The following PTPRT variants were observed in gnomAD, a reference collection of about 807,000 sequenced individuals.
PTPRT encodes protein tyrosine phosphatase receptor type T.
In PTPRT, 56 loss-of-function variants were observed where a neutral mutation model predicts 176.8. The ratio of observed to expected loss-of-function variants is 0.32; its 90% CI spans 0.26 to 0.40. The LOEUF (loss-of-function observed/expected upper bound fraction) is 0.40. Ranked by LOEUF, PTPRT falls within the 10% of genes least tolerant of loss-of-function variation. The pLI, the probability that PTPRT is intolerant of heterozygous loss-of-function variation, is 1.00. For missense variants in PTPRT, 1,540 were observed against 1,908.2 expected, an observed-to-expected ratio of 0.81 and a Z score of 3.60; for synonymous variants, 783 against 739.0, an observed-to-expected ratio of 1.06 and a Z score of -0.96.
At chr20:43,074,126 A>T (rs906304872) in intron 1 of PTPRT, among the ~76,000 whole-genome samples, 1 of 152,148 alleles carries the variant, frequency 6.6e-6, no homozygotes, top group African/African-American at 2.4e-5. Context: ...AGTGGCAATT[A>T]GGAGGAAAAA....
In PTPRT at chr20:42,655,008, G is replaced by C. The variant is rs147346708; in HGVS notation, c.1153+22858C>G. 2.8e-3 allele frequency among the ~76,000 whole-genome samples: 431 copies of C among 152,194 alleles called. 1 individual carries two copies. The highest frequency in any genetic ancestry group is 9.3e-3 in the African/African-American group (387 of 41,514). ...CTTCTTCAGCAATGACAATTCAATG[G>C]ATCCAATCATATCATGGTGTATTTG... On this transcript the variant is annotated intron_variant, in intron 7 of 30. Coordinates refer to ENST00000373187, the MANE Select transcript of PTPRT (RefSeq NM_007050.6).
At chr20:42,224,585 T>TTGA (rs1304247904) in intron 15 of PTPRT, among the ~76,000 whole-genome samples, 1 of 152,208 alleles carries the variant, frequency 6.6e-6, no homozygotes, top group African/African-American at 2.4e-5. Flanking sequence ...ATGCCTTTAT[T>TTGA]TGATAGCCCT....
chr20:42,129,948 C>G lies in PTPRT; in HGVS notation c.2771-1118G>C, dbSNP rs539212914. Among the ~76,000 whole-genome samples, 12 of 152,264 alleles carry G rather than the reference C, an allele frequency of 7.9e-5. No homozygotes were observed. In the South Asian group the frequency reaches 2.5e-3, roughly 32 times the overall value. On this transcript the variant is annotated intron_variant, in intron 18 of 30. Transcript: ENST00000373187. Reference sequence around the variant, plus strand: ...TACATGGAAAAGGTATAATTGGATGCCCTCATTGGGTTCTCACAGTGACCC... The same window carrying G: ...TACATGGAAAAGGTATAATTGGATGGCCTCATTGGGTTCTCACAGTGACCC...
intron 7 of PTPRT, among the ~76,000 whole-genome samples, chr20:42,512,694 CTAAA>C: frequency 6.6e-6 from 1 of 152,056 alleles, no homozygotes; most frequent in Non-Finnish European, 1.5e-5. Context: ...AAGAAATTAA[CTAAA>C]TGTTTTCAAG....
At chr20:42,245,036 C>T (rs1411822549) in intron 14 of PTPRT, among the ~76,000 whole-genome samples, 4 of 152,188 alleles carry the variant, frequency 2.6e-5, no homozygotes, top group African/African-American at 9.7e-5. Context: ...GAAGGTCTTT[C>T]TCTTATGTCA....
At chr20:42,130,815 G>C (rs1988089619) in intron 18 of PTPRT, among the ~76,000 whole-genome samples, 1 of 152,180 alleles carries the variant, frequency 6.6e-6, no homozygotes, top group African/African-American at 2.4e-5. Flanking sequence ...GTGAGTGGGA[G>C]AGTGGAATGT....
intron 1 of PTPRT, among the ~76,000 whole-genome samples, chr20:42,906,653 C>G (rs896744199): frequency 1.3e-5 from 2 of 152,214 alleles, no homozygotes; most frequent in Non-Finnish European, 2.9e-5. Flanking sequence ...CAGAGCCCTA[C>G]AGCCTACCCA....
chr20:42,389,046 T>C (rs1443070666), intron 9 of PTPRT, among the ~76,000 whole-genome samples: 2 of 149,742 alleles, frequency 1.3e-5, no homozygotes, highest in Admixed American at 1.3e-4. Flanking sequence ...AAACACTGCA[T>C]GTTCTCACTC....
chr20:42,453,228 A>AT (rs923626819), intron 8 of PTPRT, among the ~76,000 whole-genome samples: 3 of 151,918 alleles, frequency 2.0e-5, no homozygotes, highest in Non-Finnish European at 2.9e-5. Context: ...CTGCAGTTGC[A>AT]TTTTTTTTCT....
At chr20:43,102,886 C>A (rs1249243412) in intron 1 of PTPRT, among the ~76,000 whole-genome samples, 3 of 151,968 alleles carry the variant, frequency 2.0e-5, no homozygotes, top group Admixed American at 6.6e-5. Flanking sequence ...TCAAGGTGTA[C>A]TTTGGGGGAT....
At position 42,201,975 on chromosome 20, in the gene PTPRT, G is replaced by GTGTGTA. The variant is rs1380398908; in HGVS notation, c.2343-2588_2343-2587insTACACA. On this transcript the variant is annotated intron_variant, in intron 15 of 30. Coordinates refer to ENST00000373187, the MANE Select transcript of PTPRT (RefSeq NM_007050.6). ...CGTGTGTGTGTGTGTGTGTGTGTGT[G>GTGTGTA]TGTATGTATGTGTGGACAGTGTCTT... Among the ~76,000 whole-genome samples, 4 of 151,422 alleles carry GTGTGTA rather than the reference G, an allele frequency of 2.6e-5. No individual in the cohort carries two copies. The East Asian group carries it at 7.8e-4, about 29-fold the overall frequency.
At chr20:42,706,175 C>CTCTG (rs1393303091) in intron 6 of PTPRT, among the ~76,000 whole-genome samples, 1 of 109,280 alleles carries the variant, frequency 9.2e-6, no homozygotes, top group East Asian at 3.2e-4. Flanking sequence ...CTCTCTCTCT[C>CTCTG]TGTTTGTGTG....
intron 6 of PTPRT, among the ~76,000 whole-genome samples, chr20:42,705,463 G>C (rs1020422391): frequency 4.6e-5 from 7 of 151,954 alleles, no homozygotes; most frequent in Non-Finnish European, 8.8e-5. Context: ...CTAGGGTGGG[G>C]AGGAATGTTA....
chr20:42,113,702 C>T (rs945871443), intron 22 of PTPRT, among the ~76,000 whole-genome samples: 3 of 152,226 alleles, frequency 2.0e-5, no homozygotes, highest in Admixed American at 6.5e-5. Flanking sequence ...TCTCCTGCTT[C>T]CCACTCTCTC....
At chr20:42,520,419 T>G (rs551928951) in intron 7 of PTPRT, among the ~76,000 whole-genome samples, 7 of 152,026 alleles carry the variant, frequency 4.6e-5, no homozygotes, top group Non-Finnish European at 1.0e-4. Flanking sequence ...TAATAACCCC[T>G]TTCTTCTTTT....
At chr20:43,090,398 G>C (rs569121396) in intron 1 of PTPRT, among the ~76,000 whole-genome samples, 216 of 152,030 alleles carry the variant, frequency 1.4e-3, no homozygotes, top group Non-Finnish European at 2.2e-3. Context: ...CTCCTGAGTA[G>C]TTGGGACTAC....
intron 18 of PTPRT, among the ~76,000 whole-genome samples, chr20:42,135,454 T>C (rs1454464661): frequency 6.6e-6 from 1 of 152,232 alleles, no homozygotes; most frequent in African/African-American, 2.4e-5. Flanking sequence ...AATCAGAAAC[T>C]GTGGGGTGGG....
intron 13 of PTPRT, among the ~76,000 whole-genome samples, chr20:42,267,137 A>G (rs1314850324): frequency 3.9e-5 from 6 of 152,242 alleles, no homozygotes; most frequent in African/African-American, 1.2e-4. Context: ...CACTTTAAGT[A>G]CCAGTGCAAA....
intron 1 of PTPRT, among the ~76,000 whole-genome samples, chr20:42,960,908 T>C (rs973384695): frequency 9.2e-5 from 14 of 152,164 alleles, no homozygotes; most frequent in African/African-American, 3.1e-4. Flanking sequence ...ATAACCAATA[T>C]GGGGCCTAGG....
Sources: gnomAD v4.1 joint callset for allele counts (sites outside exome capture counted in the v4.1 genomes callset) on GRCh38, gnomAD v4.1.1 for gene constraint, MANE v1.5 for transcripts, NCBI Gene and HGNC (gene_info 2026-07-23, HGNC 2026-07-21) for gene names.